Variants in FAP observed in about 807,000 individuals in gnomAD.
FAP encodes the protein prolyl endopeptidase FAP.
FAP carries 110 observed loss-of-function variants against 126.5 expected under a neutral mutation model. That is an observed-to-expected ratio of 0.87 (90% CI 0.74 to 1.02). The LOEUF (loss-of-function observed/expected upper bound fraction) is 1.02, where lower values mean the gene tolerates loss of function less well. FAP is among the 50% of genes least tolerant of loss of function. FAP has a pLI of 0.00. For synonymous variants in FAP, 334 were observed against 297.3 expected (o/e 1.12, Z -1.27); for missense variants, 919 against 909.2 (o/e 1.01, Z -0.14).
At chr2:162,173,315 A>AT in intron 23 of FAP, 94 bp from the exon 24 acceptor site, 1 of 860,222 alleles carries the variant, frequency 1.2e-6, no homozygotes, top group Non-Finnish European at 2.0e-6. Context: ...ACCAATACTG[A>AT]AATTATGTAT....
At chr2:162,173,279 C>CT in intron 23 of FAP, 58 bp from the exon 24 acceptor site, 1 of 1,281,692 alleles carries the variant, frequency 7.8e-7, no homozygotes, top group South Asian at 1.2e-5. Flanking sequence ...AGAAAACTAG[C>CT]TAAATCATTG....
At chr2:162,238,330 T>C (rs1420395677) in intron 2 of FAP, among the ~76,000 whole-genome samples, 2 of 152,214 alleles carry the variant, frequency 1.3e-5, no homozygotes, top group African/African-American at 4.8e-5. Flanking sequence ...AAGGTATATC[T>C]ATGACTGGAT....
intron 25 of FAP, 99 bp from the exon 26 acceptor site, chr2:162,171,179 A>T (rs1315210309): frequency 2.5e-6 from 2 of 788,038 alleles, no homozygotes; most frequent in Non-Finnish European, 4.3e-6. Context: ...TCTTTCTATT[A>T]TGGGGAAACT....
At chr2:162,205,921 GA>G (rs1001142415) in intron 12 of FAP, among the ~76,000 whole-genome samples, 5 of 152,092 alleles carry the variant, frequency 3.3e-5, no homozygotes, top group Admixed American at 1.3e-4. Context: ...ACAGTAAAAA[GA>G]AAAATTGTCT....
At chr2:162,178,506 G>C (rs913152436) in intron 21 of FAP, among the ~76,000 whole-genome samples, 3 of 152,128 alleles carry the variant, frequency 2.0e-5, no homozygotes, top group African/African-American at 4.8e-5. Context: ...GCCTCCAGAC[G>C]TTGTCAAATG....
chr2:162,198,159 A>G (rs2106240015), intron 16 of FAP: 1 of 1,282,732 alleles, frequency 7.8e-7, no homozygotes, highest in African/African-American at 1.5e-5. Context: ...ATGGTTTGTT[A>G]TATTTGATGC....
chr2:162,238,767 C>A (rs944572290), intron 2 of FAP, among the ~76,000 whole-genome samples: 1 of 152,102 alleles, frequency 6.6e-6, no homozygotes, highest in Non-Finnish European at 1.5e-5. Flanking sequence ...GATTTTATCT[C>A]ACGTATATCT....
intron 3 of FAP, 44 bp from the exon 4 acceptor site, chr2:162,225,621 C>T (rs1241599072): frequency 6.6e-7 from 1 of 1,523,722 alleles, no homozygotes; most frequent in Admixed American, 2.1e-5. Flanking sequence ...TCTCTCTTAA[C>T]ATGAAATACA....
intron 17 of FAP, 56 bp from the exon 18 acceptor site, chr2:162,189,810 T>C: frequency 4.1e-6 from 4 of 978,224 alleles, no homozygotes; most frequent in Non-Finnish European, 6.2e-6. Context: ...AACAATTTTT[T>C]TCCTTAAAAT....
chr2:162,179,810 ATATT>A (rs1224375269), intron 21 of FAP, among the ~76,000 whole-genome samples: 12 of 107,124 alleles, frequency 1.1e-4, no homozygotes, highest in East Asian at 6.5e-4. Context: ...ATATATATAT[ATATT>A]TTTTTTTTTT....
intron 19 of FAP, 105 bp downstream of exon 19, chr2:162,188,998 T>C: frequency 1.7e-6 from 1 of 582,634 alleles, no homozygotes; most frequent in South Asian, 3.1e-5. Flanking sequence ...ACAGCATCAA[T>C]AGGCACTGTT....
Position 162,218,015 on chromosome 2 carries a change from G to C in FAP, c.733C>G (p.Pro245Ala). 6.3e-7 allele frequency: 1 copy of C among 1,596,770 alleles called. No homozygotes were observed. Among genetic ancestry groups the C allele is most frequent in the Middle Eastern group, 1.7e-4 (1 of 6,010 alleles). ...AYSYYGDEQY[P>A]RTINIPYPKA... ...GGGTATGGAATATTTATTGTTCTAGGATATTGTTCATCGCCATAATAGGAA... is the reference window on the plus strand; with the variant it reads ...GGGTATGGAATATTTATTGTTCTAGCATATTGTTCATCGCCATAATAGGAA... Residue 245 changes from proline (P) to alanine (A), a missense_variant, in exon 9 of 26, where the codon CCT (proline) becomes GCT (alanine). Transcript: ENST00000188790.
intron 2 of FAP, among the ~76,000 whole-genome samples, chr2:162,229,741 C>G (rs1689814814): frequency 6.6e-6 from 1 of 151,986 alleles, no homozygotes; most frequent in Admixed American, 6.6e-5. Context: ...TTAGTTTATC[C>G]AGGAAGGTTG....
At position 162,194,700 on chromosome 2, in the gene FAP, C is replaced by A. The variant is rs140144864; in HGVS notation, c.1450+1G>T. On this transcript the variant is annotated splice_donor_variant, in intron 17 of 25. Coordinates refer to ENST00000188790, the MANE Select transcript of FAP (RefSeq NM_004460.5). LOFTEE classifies it high-confidence loss of function. ...GATAGATAACATGCAAGAGAGAGTA[C>A]CTTGATCAGTGCGTCCATCATGAAG... 3.7e-6 allele frequency: 6 copies of A among 1,613,340 alleles called. No individual in the cohort carries two copies. The highest frequency in any genetic ancestry group is 5.1e-6 in the Non-Finnish European group (6 of 1,179,500).
rs1687919356 is a variant in FAP at position 162,188,223 on chromosome 2, G to C, written c.1760C>G (p.Ala587Gly). 1.2e-6 allele frequency: 2 copies of C among 1,613,252 alleles called. No individual in the cohort carries two copies. The highest frequency in any genetic ancestry group is 2.7e-5 in the African/African-American group (2 of 74,964). Reference protein sequence around the residue: ...TAFQGDKLLYAVYRKLGVYEV... With the variant: ...TAFQGDKLLYGVYRKLGVYEV... ...ATAAACACCCAGCTTTCGATACACT[G>C]CATAGAGGAGTTTGTCACCTTGGAA... The change falls in exon 20 of 26, where the codon GCA (alanine) becomes GGA (glycine). Residue 587 changes from alanine (A) to glycine (G), a missense_variant. Ala to Gly is a moderately conservative substitution (Grantham distance 60). Transcript: ENST00000188790.
At chr2:162,185,634 C>CTAT (rs1687843976) in intron 20 of FAP, among the ~76,000 whole-genome samples, 1 of 152,050 alleles carries the variant, frequency 6.6e-6, no homozygotes, top group African/African-American at 2.4e-5. Flanking sequence ...TTGTTTAAAT[C>CTAT]TATTTGTTGG....
intron 12 of FAP, 52 bp from the exon 13 acceptor site, chr2:162,203,197 A>G (rs1688566316): frequency 7.9e-7 from 1 of 1,260,230 alleles, no homozygotes; most frequent in Non-Finnish European, 1.1e-6. Flanking sequence ...AACTAAAACC[A>G]TAGATTTTGT....
At position 162,183,417 on chromosome 2, in the gene FAP, G is replaced by T. The variant is rs1260409197; in HGVS notation, c.1866C>A (p.Gly622=). Residue 622 remains glycine (G), a synonymous_variant, in exon 21 of 26, where the codon GGC becomes GGA. Transcript: ENST00000188790. ...TAAAAAATATAAAACAACTCACCCA[G>T]CCCCATATGGCTATTCTTTTTTCAT... ...FIDEKRIAIW[G]WSYGGYVSSL... is the part of the protein sequence containing the mutation. The T allele has an allele frequency of 1.1e-5, 17 of 1,607,356 alleles. No homozygotes were observed. The highest frequency in any genetic ancestry group is 1.4e-5 in the Non-Finnish European group (16 of 1,175,632).
chr2:162,184,351 A>G (rs1273919255), intron 20 of FAP, among the ~76,000 whole-genome samples: 1 of 152,162 alleles, frequency 6.6e-6, no homozygotes, highest in Non-Finnish European at 1.5e-5. Context: ...GTCCCAGAAA[A>G]ATACTATCTT....
Sources: gnomAD v4.1 joint callset for allele counts (sites outside exome capture counted in the v4.1 genomes callset) on GRCh38, gnomAD v4.1.1 for gene constraint, MANE v1.5 for transcripts, NCBI Gene and HGNC (gene_info 2026-07-23, HGNC 2026-07-21) for gene names.